Variants in ENTPD1 observed in about 807,000 individuals in gnomAD.
ENTPD1 encodes ATP diphosphohydrolase.
ENTPD1 carries 33 observed loss-of-function variants against 57.0 expected under a neutral mutation model. The ratio of observed to expected loss-of-function variants is 0.58; its 90% CI spans 0.44 to 0.77. The LOEUF (loss-of-function observed/expected upper bound fraction) is 0.77, where lower values mean the gene tolerates loss of function less well. ENTPD1 is among the 30% of genes least tolerant of loss of function. ENTPD1 has a pLI of 0.00. For synonymous variants in ENTPD1, 202 were observed against 218.8 expected, an observed-to-expected ratio of 0.92 and a Z score of 0.68; for missense variants, 501 against 603.4, an observed-to-expected ratio of 0.83 and a Z score of 1.78.
intron 2 of ENTPD1, among the ~76,000 whole-genome samples, chr10:95,835,176 TAAG>T (rs2098406721): frequency 6.6e-6 from 1 of 152,218 alleles, no homozygotes; most frequent in African/African-American, 2.4e-5. Flanking sequence ...CTTCCACTTA[TAAG>T]AATATGCAGT....
At chr10:95,812,086 T>C (rs1481272895) in intron 1 of ENTPD1, among the ~76,000 whole-genome samples, 1 of 152,240 alleles carries the variant, frequency 6.6e-6, no homozygotes, top group East Asian at 1.9e-4. Context: ...TGTCAACATA[T>C]ATAATTTCTT....
upstream of ENTPD1, chr10:95,755,944 T>C: frequency 6.8e-7 from 1 of 1,476,198 alleles, no homozygotes; most frequent in Non-Finnish European, 8.9e-7. Flanking sequence ...AGAGAGAGAT[T>C]TGAATATACA....
At chr10:95,768,150 C>A (rs1000375941) in intron 1 of ENTPD1, among the ~76,000 whole-genome samples, 1 of 152,212 alleles carries the variant, frequency 6.6e-6, no homozygotes, top group African/African-American at 2.4e-5. Flanking sequence ...ACAAAACAGA[C>A]TCAGAAGTTG....
At chr10:95,701,542 A>G in the ENTPD1 span, among the ~76,000 whole-genome samples, 5 of 152,214 alleles carry the variant, frequency 3.3e-5, no homozygotes, top group Non-Finnish European at 7.4e-5. Flanking sequence ...TAATAAAAAT[A>G]GAGAAAAAGA....
intron 1 of ENTPD1, among the ~76,000 whole-genome samples, chr10:95,767,948 TA>T (rs941472404): frequency 1.3e-5 from 2 of 152,212 alleles, no homozygotes; most frequent in Non-Finnish European, 2.9e-5. Context: ...ATGCCAATAA[TA>T]AAAGGACTTG....
Position 95,871,733 on chromosome 10 carries a change from G to A in ENTPD1, c.*5350G>A, listed in dbSNP as rs1232874756. On this transcript the variant is annotated 3_prime_UTR_variant, in exon 10 of 10. Coordinates refer to ENST00000371205, the MANE Select transcript of ENTPD1 (RefSeq NM_001776.6). ...ATCAACTGACACCATGATCAGTGAT[G>A]ATGATCACCCTCATCAGCACTAGAG... is the stretch of plus-strand genomic sequence containing the variant. The A allele has an allele frequency of 3.0e-6, 3 of 985,260 alleles. 1 individual carries two copies. The allele number at this position is 985,260 out of a possible 1,614,324, so 61.0% of individuals were successfully genotyped here.
chr10:95,702,383 G>A, the ENTPD1 span, among the ~76,000 whole-genome samples: 1 of 151,492 alleles, frequency 6.6e-6, no homozygotes, highest in Non-Finnish European at 1.5e-5. Context: ...GTTTAACAGT[G>A]GATTAAACAC....
chr10:95,834,693 A>T (rs918724363), intron 2 of ENTPD1, among the ~76,000 whole-genome samples: 1 of 152,168 alleles, frequency 6.6e-6, no homozygotes, highest in African/African-American at 2.4e-5. Flanking sequence ...TATCTGCCCC[A>T]TATCTATACG....
In ENTPD1 at chr10:95,867,222, T is replaced by C; in HGVS notation, c.*839T>C. ...TATTTTTATTATGGTAAAATATACA[T>C]AAATATAATTCACCATTTTAACATT... On this transcript the variant is annotated 3_prime_UTR_variant, in exon 10 of 10. Transcript: ENST00000371205. The C allele has an allele frequency of 6.1e-6, 6 of 979,524 alleles. No homozygotes were observed. The highest frequency in any genetic ancestry group is 7.3e-6 in the Non-Finnish European group (6 of 824,526). The allele number at this position is 979,524 out of a possible 1,614,324, so 60.7% of individuals were successfully genotyped here.
rs141205284 is a variant in ENTPD1, at chr10:95,728,841, T to C, written c.37+16848T>C. ...GTTATGATTTAATACTGCATCTTTATGTTTATTTCCATTTCTCTCAACTGC... is the reference window on the plus strand; with the variant it reads ...GTTATGATTTAATACTGCATCTTTACGTTTATTTCCATTTCTCTCAACTGC... On this transcript the variant is annotated intron_variant, in intron 1 of 9. Coordinates refer to the ENTPD1 transcript ENST00000453258. Among the ~76,000 whole-genome samples, 1,449 of 152,326 alleles carry C rather than the reference T, an allele frequency of 9.5e-3. 14 individuals are homozygous for C. Among genetic ancestry groups the C allele is most frequent in the Non-Finnish European group, 0.016 (1,082 of 68,022 alleles).
At chr10:95,729,043 A>C (rs577234393) in intron 1 of ENTPD1, among the ~76,000 whole-genome samples, 1 of 152,222 alleles carries the variant, frequency 6.6e-6, no homozygotes, top group Admixed American at 6.5e-5. Context: ...TCTAGGCTGC[A>C]TGGTTCATCT....
upstream of ENTPD1, among the ~76,000 whole-genome samples, chr10:95,708,575 G>T (rs538258742): frequency 5.6e-4 from 86 of 152,310 alleles, no homozygotes; most frequent in African/African-American, 1.9e-3. Flanking sequence ...GAGGCAAATA[G>T]AAGCATATAT....
intron 1 of ENTPD1, among the ~76,000 whole-genome samples, chr10:95,778,119 G>T (rs117242046): frequency 6.6e-6 from 1 of 152,120 alleles, no homozygotes; most frequent in Non-Finnish European, 1.5e-5. Context: ...GTGATGTCCC[G>T]CCCTGCTTCA....
intron 7 of ENTPD1, among the ~76,000 whole-genome samples, chr10:95,852,150 T>C (rs1439526250): frequency 6.6e-6 from 1 of 152,204 alleles, no homozygotes; most frequent in Non-Finnish European, 1.5e-5. Flanking sequence ...TATCTCATTG[T>C]GGTTTTGATT....
chr10:95,830,872 T>C (rs2098394474), intron 2 of ENTPD1, among the ~76,000 whole-genome samples: 1 of 152,204 alleles, frequency 6.6e-6, no homozygotes, highest in Non-Finnish European at 1.5e-5. Context: ...ATGAGTAGTT[T>C]TGATTGAAGA....
At chr10:95,818,840 A>G (rs751782519) in intron 1 of ENTPD1, among the ~76,000 whole-genome samples, 8 of 152,206 alleles carry the variant, frequency 5.3e-5, no homozygotes, top group Admixed American at 1.3e-4. Context: ...TCATTAGGCT[A>G]TGTAAACACA....
chr10:95,809,573 G>A (rs1157508579), intron 1 of ENTPD1, among the ~76,000 whole-genome samples: 1 of 124,556 alleles, frequency 8.0e-6, no homozygotes, highest in Admixed American at 8.5e-5. Flanking sequence ...CTGGGCAGAG[G>A]CGCCCCCCCA....
chr10:95,845,913 C>A, intron 6 of ENTPD1: 1 of 359,284 alleles, frequency 2.8e-6, no homozygotes, highest in Non-Finnish European at 5.2e-6. Context: ...GGGGGAATTG[C>A]AATTTATAAG....
In ENTPD1 at chr10:95,867,977, G is replaced by T; in HGVS notation, c.*1594G>T. On this transcript the variant is annotated 3_prime_UTR_variant, in exon 10 of 10. Coordinates refer to ENST00000371205, the MANE Select transcript of ENTPD1 (RefSeq NM_001776.6). ...AGATCTTGATTAGGAATCAAAATTC[G>T]AATTGGGACATGTTCAAATTCTTTC... 3 of 985,426 alleles carry T rather than the reference G, an allele frequency of 3.0e-6. No homozygotes were observed. Among genetic ancestry groups the T allele is most frequent in the Non-Finnish European group, 3.6e-6 (3 of 829,938 alleles). 61.0% of individuals were successfully genotyped at this position (985,426 alleles called of 1,614,324 possible).
Sources: allele counts gnomAD v4.1 joint callset (sites outside exome capture counted in the v4.1 genomes callset), GRCh38; gene constraint gnomAD v4.1.1; transcripts MANE v1.5; gene names NCBI Gene and HGNC (gene_info 2026-07-23, HGNC 2026-07-21).